The following ADAMTS16 variants were observed in gnomAD, a reference collection of about 807,000 sequenced individuals.
The protein encoded by ADAMTS16 is ADAM metallopeptidase with thrombospondin type 1 motif 16, also known as A disintegrin and metalloproteinase with thrombospondin motifs 16.
Under a neutral mutation model 145.8 loss-of-function variants are expected in ADAMTS16, and 94 were observed. That is an observed-to-expected ratio of 0.64 (90% CI 0.55 to 0.77). The LOEUF (loss-of-function observed/expected upper bound fraction) is 0.77, where lower values mean the gene tolerates loss of function less well. Ranked by LOEUF, ADAMTS16 falls within the 30% of genes least tolerant of loss-of-function variation. The pLI, the probability that ADAMTS16 is intolerant of heterozygous loss-of-function variation, is 0.00. For synonymous variants in ADAMTS16, 659 were observed against 604.3 expected, an observed-to-expected ratio of 1.09 and a Z score of -1.33; for missense variants, 1,585 against 1,591.5, an observed-to-expected ratio of 1.00 and a Z score of 0.07.
At chr5:5,240,054 C>T in intron 16 of ADAMTS16, 129 bp downstream of exon 16, 1 of 1,412,372 alleles carries the variant, frequency 7.1e-7, no homozygotes, top group Non-Finnish European at 9.5e-7. Flanking sequence ...CCATCCATAG[C>T]CGGAATGAGG....
chr5:5,186,365 T>C (rs998232438), intron 5 of ADAMTS16, 114 bp downstream of exon 5: 2 of 955,458 alleles, frequency 2.1e-6, no homozygotes, highest in African/African-American at 3.3e-5. Context: ...TGTGGATTGA[T>C]GTTCCATATA....
Position 5,310,296 on chromosome 5 carries a change from C to A in ADAMTS16, c.3411+3568C>A, listed in dbSNP as rs80124255. ...GCCCATCTCTCATCCTTCCTAGCCC[C>A]CAATTCCCTTTTCTGTGGCCACTTC... On this transcript the variant is annotated intron_variant, in intron 21 of 22. Coordinates refer to ENST00000274181, the MANE Select transcript of ADAMTS16 (RefSeq NM_139056.4). This position sits in a 1 kb window ranked among gnomAD's most constrained non-coding sequence, Gnocchi z 4.3. Among the ~76,000 whole-genome samples, 1 of 152,130 alleles carries A rather than the reference C, an allele frequency of 6.6e-6. No homozygotes were observed. Among genetic ancestry groups the A allele is most frequent in the Non-Finnish European group, 1.5e-5 (1 of 68,020 alleles).
chr5:5,220,231 C>T (rs1390523606), intron 10 of ADAMTS16, among the ~76,000 whole-genome samples: 1 of 147,266 alleles, frequency 6.8e-6, no homozygotes, highest in Non-Finnish European at 1.5e-5. Context: ...GCCATCTCGG[C>T]TCACTGCGAC....
chr5:5,236,890 C>T, intron 13 of ADAMTS16, 79 bp from the exon 14 acceptor site: 1 of 1,485,846 alleles, frequency 6.7e-7, no homozygotes, highest in African/African-American at 1.4e-5. Context: ...GAAAGAAAGT[C>T]TATCTAAAAT....
chr5:5,198,030 T>C (rs1163884450), intron 8 of ADAMTS16, among the ~76,000 whole-genome samples: 3 of 152,162 alleles, frequency 2.0e-5, no homozygotes, highest in Non-Finnish European at 1.5e-5. Flanking sequence ...AAAAAATCAT[T>C]GAAAATACTT....
intron 10 of ADAMTS16, among the ~76,000 whole-genome samples, chr5:5,219,012 G>C (rs914911926): frequency 5.9e-5 from 9 of 152,124 alleles, no homozygotes; most frequent in Non-Finnish European, 1.0e-4. Flanking sequence ...TGGCAGGCCA[G>C]AGTAGTCTTG....
chr5:5,244,331 G>A (rs1311684217), intron 17 of ADAMTS16, among the ~76,000 whole-genome samples: 2 of 152,082 alleles, frequency 1.3e-5, no homozygotes, highest in Non-Finnish European at 2.9e-5. Flanking sequence ...ACTTTCTATA[G>A]AAGCAAGATG....
rs187633393 is a variant in ADAMTS16 at position 5,268,018 on chromosome 5, C to T, written c.2789+5235C>T. ...GCCAGGAAGAGACACTTCAGGCTTG[C>T]GGTGTGGCCTTGGGGAAGTGGCTGC... On this transcript the variant is annotated intron_variant, in intron 18 of 22. Coordinates refer to ENST00000274181, the MANE Select transcript of ADAMTS16 (RefSeq NM_139056.4). 2.4e-3 allele frequency among the ~76,000 whole-genome samples: 368 copies of T among 152,246 alleles called. 5 individuals are homozygous for T. The highest frequency in any genetic ancestry group is 0.01 in the South Asian group (49 of 4,828).
intron 18 of ADAMTS16, among the ~76,000 whole-genome samples, chr5:5,282,295 T>A (rs764341227): frequency 6.6e-6 from 1 of 152,260 alleles, no homozygotes; most frequent in Non-Finnish European, 1.5e-5. Context: ...TCTAATATTA[T>A]GAAATATTTA....
intron 18 of ADAMTS16, among the ~76,000 whole-genome samples, chr5:5,279,907 TTTCTTTC>T (rs1469102969): frequency 6.0e-4 from 3 of 4,976 alleles, no homozygotes; most frequent in Non-Finnish European, 3.0e-3. Flanking sequence ...TTTCTTTTCT[TTTCTTTC>T]TTTATTTCTC....
chr5:5,231,160 A>G (rs1279984897), intron 11 of ADAMTS16, among the ~76,000 whole-genome samples: 2 of 152,122 alleles, frequency 1.3e-5, no homozygotes, highest in African/African-American at 4.8e-5. Flanking sequence ...TGAGCCTGAG[A>G]CAGTGGACTT....
chr5:5,307,586 G>T (rs1740231665), intron 21 of ADAMTS16, among the ~76,000 whole-genome samples: 1 of 152,182 alleles, frequency 6.6e-6, no homozygotes, highest in Non-Finnish European at 1.5e-5. Flanking sequence ...CCCTAACTGG[G>T]TGCCACAGTG....
At chr5:5,275,267 T>C (rs879363299) in intron 18 of ADAMTS16, among the ~76,000 whole-genome samples, 3 of 152,208 alleles carry the variant, frequency 2.0e-5, no homozygotes, top group Non-Finnish European at 2.9e-5. Context: ...AGGGTACATT[T>C]TTTTCTGTTA....
At position 5,247,162 on chromosome 5, in the gene ADAMTS16, T is replaced by A. The variant is rs540280162; in HGVS notation, c.2662+4971T>A. Among the ~76,000 whole-genome samples the A allele has an allele frequency of 9.2e-5, 14 of 152,296 alleles. No homozygotes were observed. In the East Asian group the frequency reaches 2.1e-3, roughly 23 times the overall value. On this transcript the variant is annotated intron_variant, in intron 17 of 22. Transcript: ENST00000274181. ...CATCCTCACTTTGTGTGCTAGAATG[T>A]TCTGAATCCCAGAGTGGGTGTGTCT... is the stretch of plus-strand genomic sequence containing the variant.
chr5:5,304,774 C>T (rs1739957682), intron 20 of ADAMTS16, among the ~76,000 whole-genome samples: 1 of 152,144 alleles, frequency 6.6e-6, no homozygotes, highest in Non-Finnish European at 1.5e-5. Context: ...GGTCCTCTTT[C>T]ACCTGGAGGG....
intron 21 of ADAMTS16, among the ~76,000 whole-genome samples, chr5:5,312,420 T>C (rs1239750028): frequency 6.6e-6 from 1 of 151,206 alleles, no homozygotes; most frequent in Non-Finnish European, 1.5e-5. Flanking sequence ...TCATTTTCTC[T>C]CTTTTTTTGT....
chr5:5,297,626 T>C (rs1212285794), intron 18 of ADAMTS16, among the ~76,000 whole-genome samples: 1 of 152,178 alleles, frequency 6.6e-6, no homozygotes, highest in Non-Finnish European at 1.5e-5. Flanking sequence ...TGATTCCTTT[T>C]AAGATAAGCT....
chr5:5,157,182 T>A (rs1004717943), intron 3 of ADAMTS16, among the ~76,000 whole-genome samples: 1 of 152,038 alleles, frequency 6.6e-6, no homozygotes, highest in Non-Finnish European at 1.5e-5. Context: ...GCAAAATCAG[T>A]GCTAATTTTG....
chr5:5,197,484 G>A (rs1028029108), intron 8 of ADAMTS16, among the ~76,000 whole-genome samples: 3 of 152,192 alleles, frequency 2.0e-5, no homozygotes, highest in Non-Finnish European at 4.4e-5. Flanking sequence ...TGGCAGTGGG[G>A]CTGTGAGCAT....
Sources: gnomAD v4.1 joint callset for allele counts (sites outside exome capture counted in the v4.1 genomes callset) on GRCh38, gnomAD v4.1.1 for gene constraint, Gnocchi (gnomAD v3.1) non-coding constraint, MANE v1.5 for transcripts, NCBI Gene and HGNC (gene_info 2026-07-23, HGNC 2026-07-21) for gene names.